CASP9: variants seen among roughly 807,000 people sequenced by gnomAD.
CASP9 encodes the protein caspase 9.
CASP9 carries 29 observed loss-of-function variants against 43.5 expected under a neutral mutation model. The observed-to-expected ratio is 0.67, with a 90% CI of 0.50 to 0.91. The LOEUF (loss-of-function observed/expected upper bound fraction) is 0.91, where lower values mean the gene tolerates loss of function less well. Among genes scored for constraint, CASP9 ranks in the 40% least tolerant of loss-of-function variants. The pLI is 0.00. For synonymous variants in CASP9, 206 were observed against 211.9 expected, an observed-to-expected ratio of 0.97 and a Z score of 0.24; for missense variants, 575 against 537.4, an observed-to-expected ratio of 1.07 and a Z score of -0.69.
chr1:15,518,484 C>T, intron 1 of CASP9, 89 bp from the exon 2 acceptor site: 1 of 1,422,486 alleles, frequency 7.0e-7, no homozygotes, highest in Non-Finnish European at 9.5e-7. Context: ...TACTGTAAGT[C>T]TAAACAATCA....
rs370464726 is a variant in CASP9, at chr1:15,506,005, G to C, written c.705C>G (p.Leu235=). The C allele has an allele frequency of 3.3e-5, 54 of 1,613,914 alleles. No homozygotes were observed. The highest frequency in any genetic ancestry group is 4.2e-5 in the Non-Finnish European group (50 of 1,179,856). Reference sequence around the variant, plus strand: ...GGCTTCCTACCTGACAGCCGTGAGAGAGAATGACCACCACGCAGCAGTCCA... The same window carrying C: ...GGCTTCCTACCTGACAGCCGTGAGACAGAATGACCACCACGCAGCAGTCCA... ...GALDCCVVVI[L]SHGCQASHLQ... is the part of the protein sequence containing the mutation. Residue 235 remains leucine (L), a synonymous_variant, in exon 5 of 9, where the codon CTC becomes CTG. Transcript: ENST00000333868.
intron 1 of CASP9, among the ~76,000 whole-genome samples, chr1:15,521,026 G>A (rs936330814): frequency 1.3e-4 from 20 of 152,086 alleles, no homozygotes; most frequent in South Asian, 8.3e-4. Flanking sequence ...GCGTGGTGGC[G>A]GGTGCCTGTA....
rs762793738 is a variant in CASP9 at position 15,507,054 on chromosome 1, G to A, written c.475C>T (p.Pro159Ser). ...ADLAYILSME[P>S]CGHCLIINNV... Reference sequence around the variant, plus strand: ...TTGATAATGAGGCAGTGGCCACAGGGCTCCATGCTCAGGATGTAAGCCTGC... The same window carrying A: ...TTGATAATGAGGCAGTGGCCACAGGACTCCATGCTCAGGATGTAAGCCTGC... Residue 159 changes from proline (P) to serine (S), a missense_variant, in exon 4 of 9, where the codon CCC becomes TCC. Physicochemically the swap from Pro to Ser is moderately conservative, Grantham distance 74. Coordinates refer to ENST00000333868, the MANE Select transcript of CASP9 (RefSeq NM_001229.5). 3 of 1,614,144 alleles carry A rather than the reference G, an allele frequency of 1.9e-6. No homozygotes were observed. In the South Asian group the frequency reaches 3.3e-5, roughly 18 times the overall value.
intron 7 of CASP9, 49 bp from the exon 8 acceptor site, chr1:15,494,050 G>A (rs1226128697): frequency 1.5e-5 from 23 of 1,538,328 alleles, no homozygotes; most frequent in African/African-American, 6.8e-5. Context: ...CCCCTCCGCC[G>A]GCTCCCCACC....
intron 6 of CASP9, among the ~76,000 whole-genome samples, chr1:15,500,579 T>G (rs909201187): frequency 1.3e-5 from 2 of 152,208 alleles, no homozygotes; most frequent in African/African-American, 4.8e-5. Context: ...CCACTGCTTC[T>G]CACGGAGGCC....
chr1:15,501,120 C>T (rs983963836), intron 6 of CASP9, among the ~76,000 whole-genome samples: 20 of 152,270 alleles, frequency 1.3e-4, no homozygotes, highest in Middle Eastern at 3.4e-3. Context: ...ATGTTCCCTC[C>T]GCACAGAAAA....
upstream of CASP9, chr1:15,524,699 G>A (rs949172254): frequency 5.5e-4 from 559 of 1,012,158 alleles, 1 homozygote; most frequent in Non-Finnish European, 5.9e-4. Flanking sequence ...GGACGCCTCC[G>A]CGCCTCGCCC....
At chr1:15,494,273 G>A (rs968129155) in intron 7 of CASP9, among the ~76,000 whole-genome samples, 7 of 152,154 alleles carry the variant, frequency 4.6e-5, no homozygotes, top group African/African-American at 9.7e-5. Context: ...ACATAAGAAA[G>A]GAAGGAAACT....
intron 4 of CASP9, 50 bp downstream of exon 4, chr1:15,506,848 TC>T (rs1709542361): frequency 3.4e-6 from 5 of 1,490,782 alleles, no homozygotes; most frequent in African/African-American, 1.4e-5. Flanking sequence ...AAAAGATACT[TC>T]CCCACCCACT....
At chr1:15,498,451 G>T (rs1390063806) in intron 6 of CASP9, among the ~76,000 whole-genome samples, 1 of 151,906 alleles carries the variant, frequency 6.6e-6, no homozygotes, top group African/African-American at 2.4e-5. Flanking sequence ...CTGAGCTCAA[G>T]CAATCACCCC....
intron 8 of CASP9, 97 bp from the exon 9 acceptor site, chr1:15,493,132 C>A (rs139237175): frequency 3.8e-6 from 6 of 1,562,490 alleles, no homozygotes; most frequent in South Asian, 2.3e-5. Context: ...TCAACCCGCA[C>A]CTTAAAAACA....
At chr1:15,497,599 C>T (rs1389564353) in intron 6 of CASP9, among the ~76,000 whole-genome samples, 4 of 150,506 alleles carry the variant, frequency 2.7e-5, no homozygotes, top group South Asian at 2.1e-4. Context: ...GCCGAGATGG[C>T]GCCACAGTCC....
At chr1:15,503,376 G>A (rs1335732166) in intron 6 of CASP9, among the ~76,000 whole-genome samples, 1 of 152,212 alleles carries the variant, frequency 6.6e-6, no homozygotes, top group Admixed American at 6.5e-5. Flanking sequence ...CTGGCCCAGG[G>A]CTGTGTGATA....
intron 7 of CASP9, 58 bp downstream of exon 7, chr1:15,495,215 T>C (rs934863450): frequency 2.4e-5 from 37 of 1,512,496 alleles, no homozygotes; most frequent in Non-Finnish European, 3.3e-5. Flanking sequence ...CACAGCTGCC[T>C]CTAGGGCAGA....
chr1:15,512,514 C>A (rs1467063580), intron 2 of CASP9, among the ~76,000 whole-genome samples: 1 of 152,138 alleles, frequency 6.6e-6, no homozygotes, highest in African/African-American at 2.4e-5. Flanking sequence ...GGACTTCTAC[C>A]ATTGGTGCTC....
intron 6 of CASP9, among the ~76,000 whole-genome samples, chr1:15,496,345 T>C (rs192920610): frequency 2.0e-5 from 3 of 152,232 alleles, no homozygotes; most frequent in African/African-American, 7.2e-5. Context: ...CCTTTTTCTA[T>C]AAGATCAGGA....
chr1:15,506,810 G>T, intron 4 of CASP9, 89 bp downstream of exon 4: 1 of 1,137,346 alleles, frequency 8.8e-7, no homozygotes, highest in Non-Finnish European at 1.3e-6. Flanking sequence ...GGCTCGCCTG[G>T]GGAGTCAGCT....
upstream of CASP9, chr1:15,524,723 AATTCT>A: frequency 9.9e-7 from 1 of 1,011,732 alleles, no homozygotes; most frequent in Non-Finnish European, 1.2e-6. Context: ...CCCCAGGGTC[AATTCT>A]GGGGTCACCG....
chr1:15,501,178 C>T (rs954729208), intron 6 of CASP9, among the ~76,000 whole-genome samples: 11 of 152,152 alleles, frequency 7.2e-5, no homozygotes, highest in Admixed American at 3.3e-4. Flanking sequence ...CTTCTCAGCC[C>T]GATCTCTCAA....
Sources: allele counts gnomAD v4.1 joint callset (sites outside exome capture counted in the v4.1 genomes callset), GRCh38; gene constraint gnomAD v4.1.1; transcripts MANE v1.5; gene names NCBI Gene and HGNC (gene_info 2026-07-23, HGNC 2026-07-21).